Variants in NDUFA5 observed in about 807,000 individuals in gnomAD.
The protein encoded by NDUFA5 is NADH dehydrogenase [ubiquinone] 1 alpha subcomplex subunit 5.
Under a neutral mutation model 19.8 loss-of-function variants are expected in NDUFA5, and 11 were observed. The ratio of observed to expected loss-of-function variants is 0.56; its 90% CI spans 0.35 to 0.92. The LOEUF (loss-of-function observed/expected upper bound fraction) is 0.92. NDUFA5 is among the 40% of genes least tolerant of loss of function. The probability of loss-of-function intolerance (pLI) is 0.01; values close to 1 mark genes in which losing one functional copy is unlikely to be tolerated. For synonymous variants in NDUFA5, 47 were observed against 46.8 expected, an observed-to-expected ratio of 1.00 and a Z score of -0.01; for missense variants, 109 against 134.2, an observed-to-expected ratio of 0.81 and a Z score of 0.93.
chr7:123,560,368 C>CA (rs755850774), upstream of NDUFA5, among the ~76,000 whole-genome samples: 15 of 152,134 alleles, frequency 9.9e-5, no homozygotes, highest in Non-Finnish European at 2.2e-4. Flanking sequence ...AAAAGTCATC[C>CA]AGAAGAGACA....
chr7:123,562,655 AGT>A (rs1189999904), upstream of NDUFA5, among the ~76,000 whole-genome samples: 1 of 152,162 alleles, frequency 6.6e-6, no homozygotes, highest in Non-Finnish European at 1.5e-5. Context: ...TAGGCTTCAT[AGT>A]GCTGAAGAGA....
At chr7:123,600,269 A>G in the NDUFA5 span, among the ~76,000 whole-genome samples, 19,245 of 152,146 alleles carry the variant, frequency 0.13, 1,388 homozygotes, top group Admixed American at 0.19. Context: ...TTATTTTACC[A>G]CATGATCTTA....
the NDUFA5 span, among the ~76,000 whole-genome samples, chr7:123,565,560 T>G: frequency 6.6e-6 from 1 of 152,182 alleles, no homozygotes; most frequent in African/African-American, 2.4e-5. Flanking sequence ...ATTTATATGT[T>G]GAAGTCCTAA....
intron 2 of NDUFA5, 91 bp downstream of exon 2, chr7:123,557,313 T>A (rs771091381): frequency 3.2e-6 from 5 of 1,572,000 alleles, no homozygotes; most frequent in East Asian, 2.4e-5. Context: ...GCTTGAAACA[T>A]CTGTATCCCG....
At chr7:123,587,885 G>A in the NDUFA5 span, among the ~76,000 whole-genome samples, 1 of 151,644 alleles carries the variant, frequency 6.6e-6, no homozygotes, top group Admixed American at 6.6e-5. Context: ...AGAGATAAAT[G>A]CCACTTAACC....
the NDUFA5 span, among the ~76,000 whole-genome samples, chr7:123,582,299 C>T: frequency 6.6e-6 from 1 of 151,740 alleles, no homozygotes; most frequent in Non-Finnish European, 1.5e-5. Context: ...ATTACAATAT[C>T]CAAAGGGAGT....
the NDUFA5 span, among the ~76,000 whole-genome samples, chr7:123,585,840 T>C: frequency 1.4e-4 from 21 of 152,010 alleles, no homozygotes; most frequent in Non-Finnish European, 2.2e-4. Flanking sequence ...TTTGTCTTTC[T>C]GTTACTAGCT....
chr7:123,543,548 A>G (rs1006322302), intron 4 of NDUFA5, among the ~76,000 whole-genome samples: 3 of 152,174 alleles, frequency 2.0e-5, no homozygotes, highest in Admixed American at 2.0e-4. Flanking sequence ...AGAATGTAAA[A>G]TATCTCAATA....
intron 3 of NDUFA5, among the ~76,000 whole-genome samples, chr7:123,547,544 A>G (rs1798180285): frequency 6.6e-6 from 1 of 152,194 alleles, no homozygotes; most frequent in Admixed American, 6.5e-5. Flanking sequence ...AAAGAAGTGA[A>G]TACATAAAAA....
chr7:123,563,726 G>T, the NDUFA5 span, among the ~76,000 whole-genome samples: 1 of 152,140 alleles, frequency 6.6e-6, no homozygotes, highest in Admixed American at 6.5e-5. Context: ...CATAAAGTGT[G>T]CCTTTTATAC....
intron 3 of NDUFA5, 172 bp from the exon 4 acceptor site, chr7:123,545,848 C>T: frequency 3.8e-6 from 2 of 529,416 alleles, no homozygotes; most frequent in South Asian, 5.0e-5. Context: ...TATTTCATTG[C>T]TTTTCTGTCT....
chr7:123,541,944 T>C lies in NDUFA5; in HGVS notation c.*175A>G. On this transcript the variant is annotated 3_prime_UTR_variant, in exon 5 of 5. Transcript: ENST00000355749. The stretch of plus-strand genomic sequence containing the variant: ...ACAACTTGTGTGAGTACTTTATAAA[T>C]CAAAAATTGATTCACATGACCATAT... The C allele has an allele frequency of 2.6e-6, 1 of 381,776 alleles. No individual in the cohort carries two copies. Among genetic ancestry groups the C allele is most frequent in the Non-Finnish European group, 4.6e-6 (1 of 216,486 alleles). 23.6% of individuals were successfully genotyped at this position (381,776 alleles called of 1,614,324 possible). A position where few individuals can be genotyped will look rare whatever the true frequency, so the allele number is the denominator to read the frequency against.
At chr7:123,601,107 G>A in the NDUFA5 span, among the ~76,000 whole-genome samples, 4 of 152,148 alleles carry the variant, frequency 2.6e-5, no homozygotes, top group Non-Finnish European at 4.4e-5. Context: ...TGCCGATGGT[G>A]GCCTGAGTTA....
At chr7:123,593,569 T>C in the NDUFA5 span, among the ~76,000 whole-genome samples, 32 of 152,296 alleles carry the variant, frequency 2.1e-4, no homozygotes, top group African/African-American at 7.2e-4. Context: ...GGTTGAAAAT[T>C]CTTTTTTTTT....
intron 2 of NDUFA5, chr7:123,556,853 T>A (rs745811760): frequency 2.0e-6 from 1 of 511,588 alleles, no homozygotes; most frequent in Non-Finnish European, 3.9e-6. Flanking sequence ...CATTCAAGGG[T>A]GAATAAGAAA....
the NDUFA5 span, among the ~76,000 whole-genome samples, chr7:123,585,455 A>G: frequency 6.6e-6 from 1 of 151,692 alleles, no homozygotes; most frequent in African/African-American, 2.4e-5. Flanking sequence ...GCACCCTTTG[A>G]CCTGGATTTC....
the NDUFA5 span, among the ~76,000 whole-genome samples, chr7:123,592,919 T>G: frequency 1.2e-4 from 18 of 152,094 alleles, no homozygotes; most frequent in African/African-American, 4.1e-4. Flanking sequence ...CTCTTTGTAG[T>G]TCTCTAAGGA....
At chr7:123,576,157 A>G in the NDUFA5 span, among the ~76,000 whole-genome samples, 8 of 149,112 alleles carry the variant, frequency 5.4e-5, no homozygotes, top group Non-Finnish European at 1.0e-4. Context: ...TCTTATTTTC[A>G]TCTTCTATAT....
At chr7:123,560,705 G>A (rs1409692303), upstream of NDUFA5, among the ~76,000 whole-genome samples, 1 of 152,094 alleles carries the variant, frequency 6.6e-6, no homozygotes, top group Non-Finnish European at 1.5e-5. Context: ...GTGTGCTTGG[G>A]GTTGGGTCAG....
Sources: allele counts gnomAD v4.1 joint callset (sites outside exome capture counted in the v4.1 genomes callset), GRCh38; gene constraint gnomAD v4.1.1; transcripts MANE v1.5; gene names NCBI Gene and HGNC (gene_info 2026-07-23, HGNC 2026-07-21).